Variants in TRDMT1 observed in about 807,000 individuals in gnomAD.
TRDMT1 encodes tRNA aspartic acid methyltransferase 1, also known as tRNA (cytosine(38)-C(5))-methyltransferase.
TRDMT1 carries 49 observed loss-of-function variants against 51.2 expected under a neutral mutation model. That is an observed-to-expected ratio of 0.96 (90% CI 0.76 to 1.21). The LOEUF (loss-of-function observed/expected upper bound fraction) is 1.21, where lower values mean the gene tolerates loss of function less well. TRDMT1 is among the 50% of genes most tolerant of loss of function. The pLI is 0.00. For synonymous variants in TRDMT1, 187 were observed against 164.6 expected (o/e 1.14, Z -1.04); for missense variants, 534 against 462.3 (o/e 1.16, Z -1.42).
intron 10 of TRDMT1, chr10:17,150,491 G>A (rs2131370951): frequency 1.0e-6 from 1 of 985,306 alleles, no homozygotes; most frequent in Non-Finnish European, 1.2e-6. Context: ...CTTATATGCT[G>A]GAAGAAGGCC....
intron 3 of TRDMT1, among the ~76,000 whole-genome samples, chr10:17,162,716 G>A (rs952241467): frequency 5.3e-5 from 8 of 152,228 alleles, no homozygotes; most frequent in East Asian, 1.9e-4. Flanking sequence ...GGTGGGGTAC[G>A]CCTGTAATCC....
At chr10:17,192,983 C>T (rs148637728) in intron 1 of TRDMT1, among the ~76,000 whole-genome samples, 86 of 152,240 alleles carry the variant, frequency 5.6e-4, no homozygotes, top group African/African-American at 1.6e-3. Flanking sequence ...ATTCCCCTTG[C>T]GAACTGAAAC....
intron 1 of TRDMT1, among the ~76,000 whole-genome samples, chr10:17,199,729 G>T (rs1215829057): frequency 6.6e-6 from 1 of 152,192 alleles, no homozygotes; most frequent in African/African-American, 2.4e-5. Flanking sequence ...CATGCTGCCT[G>T]CTAGAAGGAA....
intron 3 of TRDMT1, among the ~76,000 whole-genome samples, chr10:17,165,680 A>T (rs1471902986): frequency 1.3e-5 from 2 of 152,250 alleles, no homozygotes; most frequent in Non-Finnish European, 2.9e-5. Flanking sequence ...ACAAGAAAAA[A>T]ACAAAAAACC....
intron 10 of TRDMT1, among the ~76,000 whole-genome samples, chr10:17,150,152 C>T (rs1298640359): frequency 6.6e-6 from 1 of 152,052 alleles, no homozygotes; most frequent in Non-Finnish European, 1.5e-5. Flanking sequence ...ACTGTTATTG[C>T]TTGTCTTTTC....
At chr10:17,150,743 T>C (rs2131371841) in intron 10 of TRDMT1, 1 of 985,194 alleles carries the variant, frequency 1.0e-6, no homozygotes, top group South Asian at 4.7e-5. Flanking sequence ...TGACATTTTA[T>C]TAACTGCAAT....
intron 5 of TRDMT1, among the ~76,000 whole-genome samples, chr10:17,161,161 C>G (rs973424510): frequency 1.3e-5 from 2 of 152,186 alleles, no homozygotes; most frequent in Admixed American, 6.5e-5. Context: ...AGGACCAATT[C>G]TTACTGAAAA....
intron 1 of TRDMT1, among the ~76,000 whole-genome samples, chr10:17,181,616 T>C (rs1843288163): frequency 6.6e-6 from 1 of 152,236 alleles, no homozygotes; most frequent in Non-Finnish European, 1.5e-5. Flanking sequence ...ATTTAATATG[T>C]CTGAACTTAT....
intron 1 of TRDMT1, among the ~76,000 whole-genome samples, chr10:17,200,074 T>A (rs1169527165): frequency 6.6e-6 from 1 of 152,210 alleles, no homozygotes; most frequent in Non-Finnish European, 1.5e-5. Context: ...AAAAATTCTG[T>A]TTTTCACTTA....
At chr10:17,189,153 AG>A (rs1181490099) in intron 1 of TRDMT1, among the ~76,000 whole-genome samples, 2 of 152,206 alleles carry the variant, frequency 1.3e-5, no homozygotes, top group Admixed American at 6.5e-5. Flanking sequence ...CTCTTTCTGA[AG>A]TATAATTTTT....
intron 1 of TRDMT1, among the ~76,000 whole-genome samples, chr10:17,193,675 G>A (rs1844997883): frequency 6.6e-6 from 1 of 152,096 alleles, no homozygotes; most frequent in African/African-American, 2.4e-5. Flanking sequence ...CAAACAAATG[G>A]AAAAACATCC....
At position 17,145,704 on chromosome 10, in the gene TRDMT1, C is replaced by A; in HGVS notation, c.*3336G>T. ...TAAAATTTGGTCCTTATTGTGTTAT[C>A]TTGGCTTTTTTAGAAACCGCTTGTT... On this transcript the variant is annotated 3_prime_UTR_variant, in exon 11 of 11. Transcript: ENST00000377799. 1 of 985,428 alleles carries A rather than the reference C, an allele frequency of 1.0e-6. No homozygotes were observed. The allele number at this position is 985,428 out of a possible 1,614,324, so 61.0% of individuals were successfully genotyped here. A position where few individuals can be genotyped will look rare whatever the true frequency, so the allele number is the denominator to read the frequency against.
In TRDMT1 at chr10:17,157,554, T is replaced by A; in HGVS notation, c.774A>T (p.Glu258Asp). ...LSVKMLKDFL[E>D]DDTDVNQYLL... ...GATACTGGTTCACGTCAGTGTCATC[T>A]TCAAGAAAATCTTTTAGCATTTTCA... Residue 258 changes from glutamate to aspartate, a missense_variant, in exon 8 of 11, where the codon GAA (glutamate) becomes GAT (aspartate). By Grantham distance (45) the Glu-to-Asp change is conservative. Transcript: ENST00000377799. 2 of 1,614,108 alleles carry A rather than the reference T, an allele frequency of 1.2e-6. No homozygotes were observed. The highest frequency in any genetic ancestry group is 1.7e-6 in the Non-Finnish European group (2 of 1,179,960).
At position 17,159,205 on chromosome 10, in the gene TRDMT1, G is replaced by A. The variant is rs377038005; in HGVS notation, c.484C>T (p.Arg162Ter). The change falls in exon 7 of 11, where the codon CGA (arginine) becomes TGA (stop). Residue 162 changes from arginine (R) to a stop codon, truncating the protein, a stop_gained. Transcript: ENST00000377799. LOFTEE classifies it high-confidence loss of function. ...TGAAGCTTTGCAATAAGAAAATATC[G>A]TAGCCTTGAATTTGGAATGCCAAGC... ...TSLGIPNSRL[R>*]YFLIAKLQSE... 32 of 1,601,834 alleles carry A rather than the reference G, an allele frequency of 2.0e-5. No homozygotes were observed. The highest frequency in any genetic ancestry group is 2.3e-5 in the East Asian group (1 of 44,334).
At chr10:17,164,483 A>T (rs1840882387) in intron 3 of TRDMT1, among the ~76,000 whole-genome samples, 2 of 152,162 alleles carry the variant, frequency 1.3e-5, no homozygotes, top group Admixed American at 1.3e-4. Flanking sequence ...CTCTCTCATC[A>T]CTTCTATTCA....
chr10:17,171,377 C>T (rs1841985287), intron 2 of TRDMT1, among the ~76,000 whole-genome samples: 1 of 152,166 alleles, frequency 6.6e-6, no homozygotes, highest in Non-Finnish European at 1.5e-5. Flanking sequence ...CCCTGCTTTC[C>T]CTTCCCTTAA....
chr10:17,156,068 T>G (rs1212498517), intron 8 of TRDMT1, among the ~76,000 whole-genome samples: 1 of 152,092 alleles, frequency 6.6e-6, no homozygotes, highest in Non-Finnish European at 1.5e-5. Context: ...TATAATAAAT[T>G]CAGAATGACT....
chr10:17,176,549 T>A (rs906241615), intron 1 of TRDMT1, among the ~76,000 whole-genome samples: 1 of 152,204 alleles, frequency 6.6e-6, no homozygotes, highest in Non-Finnish European at 1.5e-5. Flanking sequence ...AAATGCACTG[T>A]TTGCATGGAT....
At position 17,148,593 on chromosome 10, in the gene TRDMT1, G is replaced by T. The variant is rs1838316381; in HGVS notation, c.*447C>A. ...TAGATGAAATAAAGAAATATTTACA[G>T]GATTGGAAATTAAGTAAAACATTCA... On this transcript the variant is annotated 3_prime_UTR_variant, in exon 11 of 11. Transcript: ENST00000377799. 1.0e-6 allele frequency: 1 copy of T among 974,528 alleles called. No homozygotes were observed. Among genetic ancestry groups the T allele is most frequent in the Non-Finnish European group, 1.2e-6 (1 of 820,328 alleles). The allele number at this position is 974,528 out of a possible 1,614,324, so 60.4% of individuals were successfully genotyped here.
Sources: allele counts gnomAD v4.1 joint callset (sites outside exome capture counted in the v4.1 genomes callset), GRCh38; gene constraint gnomAD v4.1.1; transcripts MANE v1.5; gene names NCBI Gene and HGNC (gene_info 2026-07-23, HGNC 2026-07-21).